Variants in CCSER1 observed in about 807,000 individuals in gnomAD.
The protein encoded by CCSER1 is coiled-coil serine rich protein 1.
Under a neutral mutation model 82.0 loss-of-function variants are expected in CCSER1, and 41 were observed. The ratio of observed to expected loss-of-function variants is 0.50; its 90% CI spans 0.39 to 0.65. The LOEUF (loss-of-function observed/expected upper bound fraction) is 0.65. CCSER1 is among the 30% of genes least tolerant of loss of function. CCSER1 has a pLI of 0.00. For missense variants in CCSER1, 1,119 were observed against 1,064.2 expected (o/e 1.05, Z -0.72); for synonymous variants, 414 against 383.9 (o/e 1.08, Z -0.92).
chr4:91,319,889 A>T (rs1458938481), intron 10 of CCSER1, among the ~76,000 whole-genome samples: 2 of 152,050 alleles, frequency 1.3e-5, no homozygotes, highest in Non-Finnish European at 2.9e-5. Flanking sequence ...GGTCACCCAC[A>T]ATCCAAAATA....
chr4:91,410,298 A>C (rs956428965), intron 10 of CCSER1, among the ~76,000 whole-genome samples: 1 of 152,034 alleles, frequency 6.6e-6, no homozygotes, highest in Admixed American at 6.6e-5. Context: ...TAAAATACTA[A>C]ATACTGTCTT....
chr4:91,519,112 G>A (rs948344916), intron 10 of CCSER1, among the ~76,000 whole-genome samples: 2 of 152,228 alleles, frequency 1.3e-5, no homozygotes, highest in Admixed American at 6.5e-5. Flanking sequence ...GTATCCAGGT[G>A]GGGGCAGGGT....
intron 10 of CCSER1, among the ~76,000 whole-genome samples, chr4:91,278,105 C>T (rs1742622315): frequency 6.6e-6 from 1 of 151,838 alleles, no homozygotes; most frequent in Non-Finnish European, 1.5e-5. Flanking sequence ...TAACATATGG[C>T]CTGGAGAATG....
intron 8 of CCSER1, among the ~76,000 whole-genome samples, chr4:90,852,627 CA>C (rs2149939223): frequency 6.6e-6 from 1 of 152,304 alleles, no homozygotes; most frequent in East Asian, 1.9e-4. Context: ...CCTTTACTGA[CA>C]AAGCTTAACA....
At chr4:90,975,169 A>G (rs1735491512) in intron 9 of CCSER1, among the ~76,000 whole-genome samples, 1 of 151,438 alleles carries the variant, frequency 6.6e-6, no homozygotes, top group Admixed American at 6.6e-5. Flanking sequence ...AGGCAAATTT[A>G]TGGAGACAGA....
At chr4:90,643,415 G>A (rs933419098) in intron 6 of CCSER1, among the ~76,000 whole-genome samples, 5 of 152,138 alleles carry the variant, frequency 3.3e-5, no homozygotes, top group African/African-American at 4.8e-5. Flanking sequence ...CATTGGGTCC[G>A]TGACATTGGA....
rs528873191 is a variant in CCSER1 at position 90,386,345 on chromosome 4, C to G, written c.1510-13691C>G. ...CAGAATAGAGAATCCAGAAATAAAG[C>G]CAATATCTATAAGCAATTGATCTTC... On this transcript the variant is annotated intron_variant, in intron 3 of 10. Coordinates refer to ENST00000509176, the MANE Select transcript of CCSER1 (RefSeq NM_001145065.2). Among the ~76,000 whole-genome samples, 5 of 152,148 alleles carry G rather than the reference C, an allele frequency of 3.3e-5. No homozygotes were observed. In the South Asian group the frequency reaches 8.3e-4, roughly 25 times the overall value.
At chr4:91,434,323 G>A (rs928981548) in intron 10 of CCSER1, among the ~76,000 whole-genome samples, 12 of 152,000 alleles carry the variant, frequency 7.9e-5, no homozygotes, top group Admixed American at 3.9e-4. Flanking sequence ...ATGGAAAAAC[G>A]GCGTAGCAAC....
chr4:90,302,548 C>G (rs555642582), intron 1 of CCSER1, among the ~76,000 whole-genome samples: 2 of 152,286 alleles, frequency 1.3e-5, no homozygotes, highest in Admixed American at 6.5e-5. Context: ...TGCCTGTACT[C>G]CCAACACTTT....
intron 10 of CCSER1, among the ~76,000 whole-genome samples, chr4:91,385,298 G>GA (rs1252772825): frequency 6.6e-6 from 1 of 151,730 alleles, no homozygotes; most frequent in Non-Finnish European, 1.5e-5. Flanking sequence ...GATGATAAGT[G>GA]AAAAAAACAA....
intron 9 of CCSER1, among the ~76,000 whole-genome samples, chr4:90,932,996 GAAAGAAAGAAAGAAAGAAAGAAAGAA>G (rs1730283712): frequency 5.4e-5 from 3 of 56,056 alleles, no homozygotes; most frequent in Admixed American, 3.9e-4. Flanking sequence ...AAGAAAGAAA[GAAAGAAAGAAAGAAAGAAAGAAAGAA>G]AGAAAGAAAG....
chr4:91,445,824 A>G (rs2149412792), intron 10 of CCSER1, among the ~76,000 whole-genome samples: 1 of 151,684 alleles, frequency 6.6e-6, no homozygotes, highest in South Asian at 2.1e-4. Flanking sequence ...TCATAATAAC[A>G]CTCTACTGTC....
chr4:90,439,604 C>G (rs1028126356), intron 4 of CCSER1, among the ~76,000 whole-genome samples: 6 of 152,152 alleles, frequency 3.9e-5, no homozygotes, highest in African/African-American at 1.4e-4. Flanking sequence ...TTCTATATAT[C>G]CTAATTCTGG....
intron 3 of CCSER1, among the ~76,000 whole-genome samples, chr4:90,395,309 G>A (rs555785088): frequency 5.3e-5 from 8 of 152,282 alleles, no homozygotes; most frequent in East Asian, 3.9e-4. Context: ...TGATCCAAAA[G>A]CAAATCAGTA....
chr4:90,181,806 G>GT (rs1733781224), intron 1 of CCSER1, among the ~76,000 whole-genome samples: 2 of 152,294 alleles, frequency 1.3e-5, no homozygotes, highest in South Asian at 4.1e-4. Flanking sequence ...CAGACACTCA[G>GT]CTGGTGAGTC....
At chr4:91,418,048 A>T (rs956811544) in intron 10 of CCSER1, among the ~76,000 whole-genome samples, 3 of 152,222 alleles carry the variant, frequency 2.0e-5, no homozygotes, top group African/African-American at 7.2e-5. Flanking sequence ...ATATTGAAAC[A>T]TAACTTACCA....
rs1758841747 is a variant in CCSER1, at chr4:91,496,619, AATATATATTTGAATAT to A, written c.2218-101943_2218-101928del. Among the ~76,000 whole-genome samples, 82 of 19,074 alleles carry A rather than the reference AATATATATTTGAATAT, an allele frequency of 4.3e-3. 21 individuals are homozygous for A. Among genetic ancestry groups the A allele is most frequent in the East Asian group, 0.018 (3 of 166 alleles). The allele number at this position is 19,074 out of a possible 152,430, so 12.5% of individuals were successfully genotyped here. On this transcript the variant is annotated intron_variant, in intron 10 of 10. Coordinates refer to ENST00000509176, the MANE Select transcript of CCSER1 (RefSeq NM_001145065.2). ...ATATATTTGAATATATATATACACGAATATATATTTGAATATATATATATTCAATATATATTGAATA... is the reference window on the plus strand; with the variant it reads ...ATATATTTGAATATATATATACACGAATATATATTCAATATATATTGAATA...
intron 8 of CCSER1, among the ~76,000 whole-genome samples, chr4:90,859,082 TGAAGTGACA>T (rs1764769427): frequency 6.6e-6 from 1 of 151,940 alleles, no homozygotes; most frequent in Non-Finnish European, 1.5e-5. Flanking sequence ...GTCTAATGTT[TGAAGTGACA>T]GAAGTGACCA....
chr4:91,484,346 T>G (rs1468326005), intron 10 of CCSER1, among the ~76,000 whole-genome samples: 3 of 152,176 alleles, frequency 2.0e-5, no homozygotes, highest in African/African-American at 7.2e-5. Flanking sequence ...AAGGATTTCT[T>G]GACTACACTT....
Sources: gnomAD v4.1 joint callset for allele counts (sites outside exome capture counted in the v4.1 genomes callset) on GRCh38, gnomAD v4.1.1 for gene constraint, MANE v1.5 for transcripts, NCBI Gene and HGNC (gene_info 2026-07-23, HGNC 2026-07-21) for gene names.